PRKAR1A: variants seen among roughly 807,000 people sequenced by gnomAD.
PRKAR1A encodes the protein protein kinase cAMP-dependent type I regulatory subunit alpha.
PRKAR1A carries 3 observed loss-of-function variants against 52.0 expected under a neutral mutation model. That is an observed-to-expected ratio of 0.06 (90% CI 0.03 to 0.15). PRKAR1A has a LOEUF of 0.15. PRKAR1A is among the 10% of genes least tolerant of loss of function. The probability of loss-of-function intolerance (pLI) is 1.00; values close to 1 mark genes in which losing one functional copy is unlikely to be tolerated. For synonymous variants in PRKAR1A, 188 were observed against 168.4 expected (o/e 1.12, Z -0.90); for missense variants, 240 against 477.4 (o/e 0.50, Z 4.63).
the PRKAR1A span, among the ~76,000 whole-genome samples, chr17:68,456,192 T>C: frequency 5.3e-5 from 8 of 152,246 alleles, no homozygotes; most frequent in Non-Finnish European, 1.2e-4. Flanking sequence ...AACCAAGCTG[T>C]AGAGCTACTC....
At chr17:68,487,034 C>G in the PRKAR1A span, among the ~76,000 whole-genome samples, 2 of 152,054 alleles carry the variant, frequency 1.3e-5, no homozygotes, top group Admixed American at 6.6e-5. Flanking sequence ...CCACCGCACC[C>G]GGCTAATTTT....
the PRKAR1A span, among the ~76,000 whole-genome samples, chr17:68,484,458 C>CTCTTTTT: frequency 7.4e-6 from 1 of 135,498 alleles, no homozygotes; most frequent in African/African-American, 2.7e-5. Flanking sequence ...ATCGTGGTAT[C>CTCTTTTT]TTTTTTTTTT....
chr17:68,543,038 A>C (rs2086380533), intron 11 of PRKAR1A, among the ~76,000 whole-genome samples: 1 of 152,176 alleles, frequency 6.6e-6, no homozygotes, highest in South Asian at 2.1e-4. Flanking sequence ...TATTCCGTCA[A>C]GCCTCCTGGG....
At chr17:68,419,520 G>A in the PRKAR1A span, among the ~76,000 whole-genome samples, 7 of 152,188 alleles carry the variant, frequency 4.6e-5, no homozygotes, top group Non-Finnish European at 1.0e-4. Flanking sequence ...AGGTTGCAGT[G>A]AGCTGAAGAT....
At chr17:68,503,558 G>T in the PRKAR1A span, among the ~76,000 whole-genome samples, 1 of 152,190 alleles carries the variant, frequency 6.6e-6, no homozygotes, top group Non-Finnish European at 1.5e-5. Context: ...AATCTTAATT[G>T]CATGTTACTA....
chr17:68,550,369 CTTTTT>C (rs747654899), intron 11 of PRKAR1A, among the ~76,000 whole-genome samples: 1 of 79,386 alleles, frequency 1.3e-5, no homozygotes, highest in Non-Finnish European at 2.2e-5. Context: ...AATGGGGGAA[CTTTTT>C]TTTTTTTTTT....
At chr17:68,448,423 G>C in the PRKAR1A span, 1 of 152,188 alleles carries the variant, frequency 6.6e-6, no homozygotes, top group Non-Finnish European at 1.5e-5. Context: ...TCCGAGAACT[G>C]TTAGATCTTG....
At chr17:68,542,629 G>C in intron 11 of PRKAR1A, 1 of 1,222,978 alleles carries the variant, frequency 8.2e-7, no homozygotes, top group Non-Finnish European at 1.2e-6. Flanking sequence ...CTGATGAATG[G>C]AGGGGTGGAC....
the PRKAR1A span, among the ~76,000 whole-genome samples, chr17:68,501,618 G>C: frequency 6.6e-6 from 1 of 152,140 alleles, no homozygotes; most frequent in Non-Finnish European, 1.5e-5. Context: ...ACCATGCCTG[G>C]CTAATTTTTA....
the PRKAR1A span, chr17:68,425,790 G>A: frequency 3.4e-5 from 12 of 351,716 alleles, no homozygotes; most frequent in Non-Finnish European, 4.2e-5. Context: ...CAGAAGCAAA[G>A]TAAGGGATCG....
the PRKAR1A span, among the ~76,000 whole-genome samples, chr17:68,426,619 G>T: frequency 6.6e-6 from 1 of 152,238 alleles, no homozygotes; most frequent in Non-Finnish European, 1.5e-5. Context: ...TGCAATCTCC[G>T]CCTCTCTGGT....
At position 68,515,672 on chromosome 17, in the gene PRKAR1A, A is replaced by C. The variant is rs1568688602; in HGVS notation, c.177+96A>C. 2.2e-6 allele frequency: 3 copies of C among 1,365,984 alleles called. No homozygotes were observed. The East Asian group carries it at 7.4e-5, about 34-fold the overall frequency. The allele number at this position is 1,365,984 out of a possible 1,614,324, so 84.6% of individuals were successfully genotyped here. On this transcript the variant is annotated intron_variant, in intron 2 of 10. Coordinates refer to ENST00000589228, the MANE Select transcript of PRKAR1A (RefSeq NM_002734.5). ...AATTTGTATTTTTTGGAAGAAAAGG[A>C]ATCTGACTAAATAAAAAGTCTAAAA...
At chr17:68,507,530 G>A (rs543638896), upstream of PRKAR1A, among the ~76,000 whole-genome samples, 1 of 152,292 alleles carries the variant, frequency 6.6e-6, no homozygotes, top group East Asian at 1.9e-4. Flanking sequence ...CAGCTAATGC[G>A]TGTGGGTCTT....
chr17:68,486,356 C>T, the PRKAR1A span, among the ~76,000 whole-genome samples: 5 of 151,896 alleles, frequency 3.3e-5, 1 homozygote, highest in Non-Finnish European at 7.4e-5. Context: ...TTCTTCTCAT[C>T]CCCCTCTTCC....
chr17:68,486,567 T>TTCTC, the PRKAR1A span, among the ~76,000 whole-genome samples: 1 of 145,694 alleles, frequency 6.9e-6, no homozygotes, highest in African/African-American at 2.6e-5. Context: ...CTTTCTTTCT[T>TTCTC]TCTTCTTTCC....
chr17:68,539,906 A>G, intron 11 of PRKAR1A: 3 of 1,614,206 alleles, frequency 1.9e-6, no homozygotes, highest in Non-Finnish European at 2.5e-6. Context: ...GTCAAGGTGA[A>G]TAAGGAACCC....
intron 11 of PRKAR1A, among the ~76,000 whole-genome samples, chr17:68,547,647 C>T (rs1274087841): frequency 1.3e-5 from 2 of 152,238 alleles, no homozygotes; most frequent in Admixed American, 1.3e-4. Context: ...TCTCACCTGT[C>T]TCAGCCTTCA....
At chr17:68,430,147 G>C in the PRKAR1A span, 1 of 1,613,256 alleles carries the variant, frequency 6.2e-7, no homozygotes, top group East Asian at 2.2e-5. Flanking sequence ...CAGGTCGAAG[G>C]CTCTTCTGGT....
chr17:68,434,077 T>C, the PRKAR1A span, among the ~76,000 whole-genome samples: 11 of 152,120 alleles, frequency 7.2e-5, no homozygotes, highest in Non-Finnish European at 1.0e-4. Context: ...GCCCATAGTC[T>C]TATTTATGTG....
Sources: gnomAD v4.1 joint callset for allele counts (sites outside exome capture counted in the v4.1 genomes callset) on GRCh38, gnomAD v4.1.1 for gene constraint, MANE v1.5 for transcripts, NCBI Gene and HGNC (gene_info 2026-07-23, HGNC 2026-07-21) for gene names.